Variants in MBNL2 observed in about 807,000 individuals in gnomAD.
MBNL2 encodes the protein muscleblind-like protein 2.
Under a neutral mutation model 41.9 loss-of-function variants are expected in MBNL2, and 17 were observed. That is an observed-to-expected ratio of 0.41 (90% CI 0.28 to 0.61). The LOEUF (loss-of-function observed/expected upper bound fraction) is 0.61. Among genes scored for constraint, MBNL2 ranks in the 20% least tolerant of loss-of-function variants. The probability of loss-of-function intolerance (pLI) is 0.35; values close to 1 mark genes in which losing one functional copy is unlikely to be tolerated. For missense variants in MBNL2, 336 were observed against 505.6 expected (o/e 0.66, Z 3.22); for synonymous variants, 195 against 182.9 (o/e 1.07, Z -0.53).
chr13:97,271,233 A>T (rs2050925790), intron 1 of MBNL2, among the ~76,000 whole-genome samples: 1 of 149,558 alleles, frequency 6.7e-6, no homozygotes, highest in South Asian at 2.1e-4. Context: ...CTCATGCCTC[A>T]GCCTCCCAAG....
chr13:97,217,225 TTTATCACC>T (rs1478504075), upstream of MBNL2, among the ~76,000 whole-genome samples: 8 of 151,934 alleles, frequency 5.3e-5, no homozygotes, highest in Admixed American at 2.6e-4. Context: ...TGTAACTGTC[TTTATCACC>T]TTATTACCAG....
chr13:97,185,289 T>G, the MBNL2 span, among the ~76,000 whole-genome samples: 1 of 152,220 alleles, frequency 6.6e-6, no homozygotes, highest in Non-Finnish European at 1.5e-5. Flanking sequence ...TAACTTAGTT[T>G]TATAAAAGAA....
intron 2 of MBNL2, among the ~76,000 whole-genome samples, chr13:97,300,447 TAG>T (rs2057504791): frequency 6.6e-6 from 1 of 152,134 alleles, no homozygotes; most frequent in Non-Finnish European, 1.5e-5. Context: ...CATCAGGCAT[TAG>T]AGTCTCATAA....
intron 2 of MBNL2, among the ~76,000 whole-genome samples, chr13:97,323,653 C>T (rs914712912): frequency 2.0e-5 from 3 of 152,074 alleles, no homozygotes; most frequent in Non-Finnish European, 4.4e-5. Context: ...GAACCAGTTC[C>T]CCATGGAAAC....
At chr13:97,154,778 A>G in the MBNL2 span, among the ~76,000 whole-genome samples, 1 of 149,040 alleles carries the variant, frequency 6.7e-6, no homozygotes, top group Non-Finnish European at 1.5e-5. Flanking sequence ...TTTCCTGAAT[A>G]AATAAATGGT....
At chr13:97,364,252 T>C (rs1056425744) in intron 7 of MBNL2, among the ~76,000 whole-genome samples, 9 of 152,194 alleles carry the variant, frequency 5.9e-5, no homozygotes, top group Non-Finnish European at 1.0e-4. Flanking sequence ...CCCACTCAGA[T>C]GCCAACTTGA....
chr13:97,344,076 G>A (rs1160597165), intron 4 of MBNL2, among the ~76,000 whole-genome samples: 1 of 152,216 alleles, frequency 6.6e-6, no homozygotes, highest in Non-Finnish European at 1.5e-5. Flanking sequence ...AAAGTGCTGG[G>A]ATTACAGGCG....
intron 5 of MBNL2, among the ~76,000 whole-genome samples, chr13:97,351,937 C>T (rs936035002): frequency 3.9e-5 from 6 of 152,128 alleles, no homozygotes; most frequent in African/African-American, 1.2e-4. Flanking sequence ...GCATGAGAAT[C>T]GCTTGAACCT....
chr13:97,165,030 C>T, the MBNL2 span, among the ~76,000 whole-genome samples: 5 of 152,216 alleles, frequency 3.3e-5, no homozygotes, highest in African/African-American at 1.2e-4. Flanking sequence ...GTGGCAAAAA[C>T]CGATCTCTAC....
chr13:97,320,147 A>G (rs1370849174), intron 2 of MBNL2, among the ~76,000 whole-genome samples: 1 of 152,198 alleles, frequency 6.6e-6, no homozygotes, highest in Non-Finnish European at 1.5e-5. Flanking sequence ...AACCAGTATC[A>G]TAAACTGGAT....
At chr13:97,344,009 T>G (rs1237519879) in intron 4 of MBNL2, among the ~76,000 whole-genome samples, 1 of 152,218 alleles carries the variant, frequency 6.6e-6, no homozygotes, top group Non-Finnish European at 1.5e-5. Flanking sequence ...TTTCTCCATG[T>G]TGGTCAGGCT....
intron 2 of MBNL2, among the ~76,000 whole-genome samples, chr13:97,290,861 T>C (rs2055797463): frequency 6.7e-6 from 1 of 148,930 alleles, no homozygotes; most frequent in South Asian, 2.1e-4. Context: ...AAGGAGTTGC[T>C]TTCTGAGCTG....
chr13:97,163,057 CCACCACCACTCTCAACAA>C, the MBNL2 span, among the ~76,000 whole-genome samples: 2 of 152,132 alleles, frequency 1.3e-5, no homozygotes, highest in African/African-American at 4.8e-5. Context: ...GATTTGTAGA[CCACCACCACTCTCAACAA>C]CACCAACAAC....
At chr13:97,185,901 G>A in the MBNL2 span, among the ~76,000 whole-genome samples, 6 of 152,176 alleles carry the variant, frequency 3.9e-5, no homozygotes, top group Admixed American at 1.3e-4. Context: ...ACTTTCCTCT[G>A]GTGGCTCCTC....
intron 5 of MBNL2, among the ~76,000 whole-genome samples, chr13:97,351,127 C>T (rs1444883484): frequency 6.6e-6 from 1 of 152,226 alleles, no homozygotes; most frequent in Non-Finnish European, 1.5e-5. Flanking sequence ...TGTACATCTC[C>T]ACTGGAGCCC....
intron 2 of MBNL2, among the ~76,000 whole-genome samples, chr13:97,319,832 T>G (rs1030410709): frequency 6.6e-6 from 1 of 152,350 alleles, no homozygotes; most frequent in African/African-American, 2.4e-5. Context: ...TGTCTTTTAC[T>G]AAAATAAATC....
rs2052046296 is a variant in MBNL2 at position 97,275,691 on chromosome 13, G to A, written c.-545G>A. On this transcript the variant is annotated 5_prime_UTR_variant, in exon 2 of 9. Coordinates refer to ENST00000679496, the MANE Select transcript of MBNL2 (RefSeq NM_001382683.1). The stretch of plus-strand genomic sequence containing the variant: ...TTTGCTGGAAAACTGCAGCTTGGGA[G>A]CTTTCTTTGTATTCACATCCCACTC... The A allele has an allele frequency of 6.6e-6, 1 of 152,164 alleles. No individual in the cohort carries two copies. The highest frequency in any genetic ancestry group is 1.5e-5 in the Non-Finnish European group (1 of 68,052). The allele number at this position is 152,164 out of a possible 1,614,324, so 9.4% of individuals were successfully genotyped here.
In MBNL2 at chr13:97,298,212, T is replaced by A. The variant is rs564824318; in HGVS notation, c.174+21803T>A. ...ATATAAATAAATAAAAATAAATAAA[T>A]AAAAAAATTCTTAAAACAGTCCTGG... On this transcript the variant is annotated intron_variant, in intron 2 of 8. Transcript: ENST00000679496. 2.4e-3 allele frequency among the ~76,000 whole-genome samples: 361 copies of A among 151,548 alleles called. 3 individuals are homozygous for A. Among genetic ancestry groups the A allele is most frequent in the African/African-American group, 8.3e-3 (343 of 41,438 alleles).
the MBNL2 span, among the ~76,000 whole-genome samples, chr13:97,190,599 C>T: frequency 1.3e-5 from 2 of 152,184 alleles, no homozygotes; most frequent in Non-Finnish European, 2.9e-5. Context: ...ACATACATCT[C>T]TATGATCCCA....
Sources: gnomAD v4.1 joint callset for allele counts (sites outside exome capture counted in the v4.1 genomes callset) on GRCh38, gnomAD v4.1.1 for gene constraint, MANE v1.5 for transcripts, NCBI Gene and HGNC (gene_info 2026-07-23, HGNC 2026-07-21) for gene names.